Variants in ENPEP observed in about 807,000 individuals in gnomAD.
The protein encoded by ENPEP is glutamyl aminopeptidase.
A neutral mutation model predicts 114.5 loss-of-function variants in ENPEP; 103 were observed. The observed-to-expected ratio is 0.90, with a 90% CI of 0.77 to 1.06. ENPEP has a LOEUF of 1.06. Among genes scored for constraint, ENPEP ranks in the 50% least tolerant of loss-of-function variants. The probability of loss-of-function intolerance (pLI) is 0.00; values close to 1 mark genes in which losing one functional copy is unlikely to be tolerated. For missense variants in ENPEP, 1,196 were observed against 1,161.3 expected (o/e 1.03, Z -0.43); for synonymous variants, 420 against 422.0 (o/e 1.00, Z 0.06).
At chr4:110,486,831 A>G (rs180870109) in intron 1 of ENPEP, among the ~76,000 whole-genome samples, 2 of 152,318 alleles carry the variant, frequency 1.3e-5, no homozygotes, top group Admixed American at 6.5e-5. Context: ...AGTAATTCAC[A>G]CAGATCCGGC....
At position 110,531,200 on chromosome 4, in the gene ENPEP, A is replaced by T; in HGVS notation, c.1730A>T (p.Tyr577Phe). The stretch of plus-strand genomic sequence containing the variant: ...TTTTCTTTTTAAAAAAATTTTAGTT[A>T]TACATGGAATATCCCAGTTAAATGG... ...NPSQPPSDLGYTWNIPVKWTE... is the reference protein window; with the variant it reads ...NPSQPPSDLGFTWNIPVKWTE... The change falls in exon 11 of 20, where the codon TAT (tyrosine) becomes TTT (phenylalanine). Residue 577 changes from tyrosine (Y) to phenylalanine (F), a missense_variant and splice_region_variant. Tyr to Phe is a conservative substitution (Grantham distance 22). Coordinates refer to ENST00000265162, the MANE Select transcript of ENPEP (RefSeq NM_001977.4). 6.9e-7 allele frequency: 1 copy of T among 1,456,840 alleles called. No individual in the cohort carries two copies. The highest frequency in any genetic ancestry group is 9.2e-7 in the Non-Finnish European group (1 of 1,088,488). The allele number at this position is 1,456,840 out of a possible 1,614,324, so 90.2% of individuals were successfully genotyped here. A position where few individuals can be genotyped will look rare whatever the true frequency, so the allele number is the denominator to read the frequency against.
chr4:110,506,629 T>C lies in ENPEP; in HGVS notation c.919-8T>C, dbSNP rs1241245610. 3 of 1,594,960 alleles carry C rather than the reference T, an allele frequency of 1.9e-6. No individual in the cohort carries two copies. ...TTTTCACTGAATTTTTTGTGTTTTG[T>C]TTAATAGCTTACAATTTATGTCCAG... On this transcript the variant is annotated splice_region_variant and splice_polypyrimidine_tract_variant and intron_variant, in intron 3 of 19. Coordinates refer to ENST00000265162, the MANE Select transcript of ENPEP (RefSeq NM_001977.4).
chr4:110,525,998 G>A (rs371997250), intron 10 of ENPEP, among the ~76,000 whole-genome samples: 15 of 152,172 alleles, frequency 9.9e-5, no homozygotes, highest in African/African-American at 3.1e-4. Flanking sequence ...AACTATGGCC[G>A]GGCGTGGTGG....
chr4:110,521,423 C>T (rs1725985269), intron 10 of ENPEP, among the ~76,000 whole-genome samples: 1 of 151,440 alleles, frequency 6.6e-6, no homozygotes, highest in African/African-American at 2.4e-5. Context: ...TATATATACA[C>T]ATATATGTAT....
In ENPEP at chr4:110,562,120, A is replaced by G. The variant is rs1727701064; in HGVS notation, c.*562A>G. 6.6e-6 allele frequency: 1 copy of G among 152,224 alleles called. No homozygotes were observed. The highest frequency in any genetic ancestry group is 2.4e-5 in the African/African-American group (1 of 41,464). 9.4% of individuals were successfully genotyped at this position (152,224 alleles called of 1,614,324 possible). A position where few individuals can be genotyped will look rare whatever the true frequency, so the allele number is the denominator to read the frequency against. ...CTTGAGGATCATATGAATTAGCCAA[A>G]AGAATGGCTGACTGTTGCCTTTGCT... On this transcript the variant is annotated 3_prime_UTR_variant, in exon 20 of 20. Transcript: ENST00000265162.
chr4:110,519,768 T>C (rs538727993), intron 8 of ENPEP, among the ~76,000 whole-genome samples: 54 of 152,278 alleles, frequency 3.5e-4, no homozygotes, highest in Non-Finnish European at 5.6e-4. Flanking sequence ...AAACTAAATA[T>C]GGTTTCCACA....
rs563060498 is a variant in ENPEP, at chr4:110,478,139, T to G, written c.644+1081T>G. On this transcript the variant is annotated intron_variant, in intron 1 of 19. Coordinates refer to ENST00000265162, the MANE Select transcript of ENPEP (RefSeq NM_001977.4). The stretch of plus-strand genomic sequence containing the variant: ...CAAATATCCCTTTTTTTCTGTTGTT[T>G]TAAGCATCTTACAGAGCAAGCAAAT... Among the ~76,000 whole-genome samples the G allele has an allele frequency of 5.9e-5, 9 of 152,336 alleles. No homozygotes were observed. The East Asian group carries it at 1.2e-3, about 20-fold the overall frequency.
intron 10 of ENPEP, among the ~76,000 whole-genome samples, chr4:110,530,600 A>G (rs903468412): frequency 1.3e-5 from 2 of 152,182 alleles, no homozygotes; most frequent in African/African-American, 4.8e-5. Context: ...CTAAGTAGCT[A>G]AAGAGAAGCA....
chr4:110,510,610 G>GAA lies in ENPEP; in HGVS notation c.1308+267_1308+268dup, dbSNP rs55693513. On this transcript the variant is annotated intron_variant, in intron 6 of 19. Transcript: ENST00000265162. ...CACTCAAAACACATTATCAAGGCAGGAAAAAAAAAAAAAAAACAGGTGGCA... is the reference window on the plus strand; with the variant it reads ...CACTCAAAACACATTATCAAGGCAGGAAAAAAAAAAAAAAAAAACAGGTGGCA... Among the ~76,000 whole-genome samples the GAA allele has an allele frequency of 1.2e-3, 168 of 136,062 alleles. 1 individual carries two copies. The highest frequency in any genetic ancestry group is 3.5e-3 in the African/African-American group (127 of 36,488). The allele number at this position is 136,062 out of a possible 152,430, so 89.3% of individuals were successfully genotyped here.
intron 1 of ENPEP, among the ~76,000 whole-genome samples, chr4:110,481,209 A>AAATGATC (rs1283153994): frequency 6.6e-6 from 1 of 152,134 alleles, no homozygotes; most frequent in Non-Finnish European, 1.5e-5. Context: ...ACTAAATACA[A>AAATGATC]AATGATCTGT....
intron 3 of ENPEP, among the ~76,000 whole-genome samples, chr4:110,503,720 T>G (rs1725251685): frequency 6.6e-6 from 1 of 152,212 alleles, no homozygotes; most frequent in African/African-American, 2.4e-5. Flanking sequence ...TCAACTGTGC[T>G]GTAATTTGAG....
At chr4:110,553,109 T>TA (rs1467816541) in intron 17 of ENPEP, among the ~76,000 whole-genome samples, 1 of 152,142 alleles carries the variant, frequency 6.6e-6, no homozygotes, top group Admixed American at 6.6e-5. Flanking sequence ...CACTAGTCTT[T>TA]AAAATCATAG....
chr4:110,518,330 G>T (rs7669705), intron 8 of ENPEP, among the ~76,000 whole-genome samples: 45,366 of 151,966 alleles, frequency 0.3, 7,047 homozygotes, highest in Non-Finnish European at 0.33. Context: ...AATAAGACAG[G>T]AATGGGTCAG....
In ENPEP at chr4:110,563,482, C is replaced by G. The variant is rs549772385; in HGVS notation, c.*1924C>G. 19 of 152,220 alleles carry G rather than the reference C, an allele frequency of 1.2e-4. No individual in the cohort carries two copies. The South Asian group carries it at 1.5e-3, about 12-fold the overall frequency. 9.4% of individuals were successfully genotyped at this position (152,220 alleles called of 1,614,324 possible). A position where few individuals can be genotyped will look rare whatever the true frequency, so the allele number is the denominator to read the frequency against. On this transcript the variant is annotated 3_prime_UTR_variant, in exon 20 of 20. Coordinates refer to ENST00000265162, the MANE Select transcript of ENPEP (RefSeq NM_001977.4). ...TGTCAGAATAAGTCTTCTAGACCATCAGGTCCTTCTCAAACAACACCTGTT... is the reference window on the plus strand; with the variant it reads ...TGTCAGAATAAGTCTTCTAGACCATGAGGTCCTTCTCAAACAACACCTGTT...
chr4:110,515,850 T>G, intron 8 of ENPEP: 1 of 455,804 alleles, frequency 2.2e-6, no homozygotes. Flanking sequence ...CTTCCGGGCT[T>G]GCAGATGGTA....
intron 11 of ENPEP, among the ~76,000 whole-genome samples, chr4:110,531,905 A>T (rs1726418291): frequency 6.6e-6 from 1 of 152,136 alleles, no homozygotes; most frequent in Non-Finnish European, 1.5e-5. Context: ...TCTAAGACAA[A>T]CCAGACTCAT....
intron 13 of ENPEP, among the ~76,000 whole-genome samples, chr4:110,545,842 T>C (rs1348313459): frequency 2.0e-5 from 3 of 151,918 alleles, no homozygotes; most frequent in African/African-American, 7.2e-5. Flanking sequence ...GTCCTGACAA[T>C]ATTTGGAAGA....
At chr4:110,489,963 C>T (rs569849887) in intron 2 of ENPEP, among the ~76,000 whole-genome samples, 8 of 152,228 alleles carry the variant, frequency 5.3e-5, no homozygotes, top group African/African-American at 1.9e-4. Flanking sequence ...AGCAGCCATC[C>T]ATGCCTCAGT....
At chr4:110,533,428 A>G (rs1226455297) in intron 11 of ENPEP, 2 of 154,356 alleles carry the variant, frequency 1.3e-5, no homozygotes, top group South Asian at 2.0e-4. Context: ...AGCAAAAAAA[A>G]AAAAAAAAAG....
Sources: allele counts gnomAD v4.1 joint callset (sites outside exome capture counted in the v4.1 genomes callset), GRCh38; gene constraint gnomAD v4.1.1; transcripts MANE v1.5; gene names NCBI Gene and HGNC (gene_info 2026-07-23, HGNC 2026-07-21).